The following TMEM117 variants were observed in gnomAD, a reference collection of about 807,000 sequenced individuals.
TMEM117 encodes the protein transmembrane protein 117.
Under a neutral mutation model 52.4 loss-of-function variants are expected in TMEM117, and 27 were observed. That is an observed-to-expected ratio of 0.51 (90% confidence interval 0.38 to 0.71). The LOEUF is 0.71. Ranked by LOEUF, TMEM117 falls within the 30% of genes least tolerant of loss-of-function variation. TMEM117 has a pLI of 0.00. For synonymous variants in TMEM117, 215 were observed against 206.3 expected (o/e 1.04, Z -0.36); for missense variants, 556 against 630.5 (o/e 0.88, Z 1.26).
At chr12:43,912,496 A>G (rs7961269) in intron 2 of TMEM117, among the ~76,000 whole-genome samples, 106,617 of 132,950 alleles carry the variant, frequency 0.8, 42,627 homozygotes, top group East Asian at 0.9. Flanking sequence ...TTAAAGTATA[A>G]TAATAATAAT....
intron 6 of TMEM117, among the ~76,000 whole-genome samples, chr12:44,322,812 C>T (rs1041692096): frequency 1.3e-4 from 20 of 152,126 alleles, no homozygotes; most frequent in African/African-American, 4.3e-4. Context: ...AATGTGCTCC[C>T]CGCTGGCCGG....
At chr12:44,334,490 C>G (rs1297170157) in intron 6 of TMEM117, among the ~76,000 whole-genome samples, 1 of 151,954 alleles carries the variant, frequency 6.6e-6, no homozygotes, top group Non-Finnish European at 1.5e-5. Context: ...CAGGTGAACC[C>G]TAAGTCTTTT....
intron 5 of TMEM117, chr12:44,244,344 G>A (rs1950102115): frequency 6.6e-6 from 1 of 151,904 alleles, no homozygotes; most frequent in African/African-American, 2.4e-5. Context: ...TCTCACTGCG[G>A]TTTTAATTTG....
chr12:44,200,688 A>G (rs1270710202), intron 4 of TMEM117, among the ~76,000 whole-genome samples: 1 of 152,212 alleles, frequency 6.6e-6, no homozygotes, highest in Non-Finnish European at 1.5e-5. Flanking sequence ...TCAGTCTGTA[A>G]TGGAGGGTTC....
intron 2 of TMEM117, among the ~76,000 whole-genome samples, chr12:43,942,038 G>A (rs1315400101): frequency 3.3e-5 from 5 of 152,168 alleles, no homozygotes; most frequent in South Asian, 2.1e-4. Flanking sequence ...TCTAATTGCC[G>A]GTCTTTGAAG....
At chr12:43,921,123 T>C (rs895617963) in intron 2 of TMEM117, among the ~76,000 whole-genome samples, 6 of 152,212 alleles carry the variant, frequency 3.9e-5, no homozygotes, top group African/African-American at 1.2e-4. Flanking sequence ...TGGCATTTTC[T>C]CATTTTTCTT....
intron 4 of TMEM117, among the ~76,000 whole-genome samples, chr12:44,182,167 G>C (rs1471391253): frequency 2.0e-5 from 3 of 152,102 alleles, no homozygotes; most frequent in Non-Finnish European, 2.9e-5. Context: ...TCTGTTGTTG[G>C]TGTATAAGAA....
chr12:44,261,354 T>C (rs1950318454), intron 5 of TMEM117, among the ~76,000 whole-genome samples: 1 of 152,186 alleles, frequency 6.6e-6, no homozygotes, highest in African/African-American at 2.4e-5. Flanking sequence ...AAACTAATGT[T>C]CTCACGTGCT....
intron 3 of TMEM117, among the ~76,000 whole-genome samples, chr12:44,086,610 T>G (rs1469765710): frequency 6.6e-6 from 1 of 152,116 alleles, no homozygotes; most frequent in Non-Finnish European, 1.5e-5. Flanking sequence ...TTGTTTCTAT[T>G]CAAATCCAGA....
At chr12:44,150,407 T>C (rs1204473641) in intron 4 of TMEM117, among the ~76,000 whole-genome samples, 2 of 152,210 alleles carry the variant, frequency 1.3e-5, no homozygotes, top group East Asian at 3.9e-4. Context: ...ACTGTGCTCT[T>C]GGGCAATGGA....
intron 3 of TMEM117, among the ~76,000 whole-genome samples, chr12:43,978,797 T>G (rs544200765): frequency 6.6e-6 from 1 of 152,184 alleles, no homozygotes; most frequent in African/African-American, 2.4e-5. Flanking sequence ...TATAGATGAG[T>G]TTACTACCTA....
chr12:43,884,133 C>CA (rs758603064), intron 2 of TMEM117, among the ~76,000 whole-genome samples: 8,550 of 69,176 alleles, frequency 0.12, 315 homozygotes, highest in East Asian at 0.28. Flanking sequence ...GATACCATCT[C>CA]AAAAAAAAAA....
intron 1 of TMEM117, among the ~76,000 whole-genome samples, chr12:43,843,469 G>A (rs12311962): frequency 0.28 from 43,128 of 152,112 alleles, 9,811 homozygotes; most frequent in African/African-American, 0.63. Context: ...CCAAAGAGGG[G>A]AGAAGGAGGA....
At chr12:43,830,525 G>A in the TMEM117 span, among the ~76,000 whole-genome samples, 3 of 151,000 alleles carry the variant, frequency 2.0e-5, no homozygotes, top group East Asian at 3.9e-4. Flanking sequence ...TAGGAGAATC[G>A]CTTGAACCCA....
At chr12:43,860,895 A>G (rs1179276438) in intron 2 of TMEM117, among the ~76,000 whole-genome samples, 2 of 152,042 alleles carry the variant, frequency 1.3e-5, no homozygotes, top group African/African-American at 4.8e-5. Context: ...CCTTGAGCTC[A>G]TTGTCTTAGT....
At chr12:44,007,634 T>G (rs1946220378) in intron 3 of TMEM117, among the ~76,000 whole-genome samples, 1 of 152,186 alleles carries the variant, frequency 6.6e-6, no homozygotes, top group African/African-American at 2.4e-5. Flanking sequence ...GGTTTGGCTG[T>G]GTCCCCACCC....
chr12:44,203,825 ATTTTTCT>A (rs1339037796), intron 4 of TMEM117, among the ~76,000 whole-genome samples: 2 of 152,026 alleles, frequency 1.3e-5, no homozygotes, highest in Non-Finnish European at 2.9e-5. Flanking sequence ...AGTTGGTATG[ATTTTTCT>A]TTTTTTGAAT....
At chr12:44,211,459 T>G in intron 5 of TMEM117, 72 bp downstream of exon 5, 1 of 1,066,084 alleles carries the variant, frequency 9.4e-7, no homozygotes, top group Non-Finnish European at 1.4e-6. Flanking sequence ...GATGTAATTT[T>G]CCTTACAATT....
chr12:44,105,768 T>C (rs527562104), intron 3 of TMEM117, among the ~76,000 whole-genome samples: 2 of 152,110 alleles, frequency 1.3e-5, no homozygotes, highest in Non-Finnish European at 2.9e-5. Context: ...TAGGCTCTGA[T>C]CAAATCCCAA....
Sources: allele counts gnomAD v4.1 joint callset (sites outside exome capture counted in the v4.1 genomes callset), GRCh38; gene constraint gnomAD v4.1.1; transcripts MANE v1.5; gene names NCBI Gene and HGNC (gene_info 2026-07-23, HGNC 2026-07-21).